FLRT1: variants seen among roughly 807,000 people sequenced by gnomAD.
FLRT1 encodes fibronectin leucine rich transmembrane protein 1.
A neutral mutation model predicts 30.9 loss-of-function variants in FLRT1; 14 were observed. The observed-to-expected ratio is 0.45, with a 90% CI of 0.30 to 0.71. The LOEUF is 0.71. Among genes scored for constraint, FLRT1 ranks in the 30% least tolerant of loss-of-function variants. The pLI is 0.08. For synonymous variants in FLRT1, 368 were observed against 430.4 expected (o/e 0.85, Z 1.80); for missense variants, 737 against 949.2 (o/e 0.78, Z 2.94).
chr11:64,055,067 A>G (rs969374816), intron 1 of FLRT1, among the ~76,000 whole-genome samples: 6 of 151,628 alleles, frequency 4.0e-5, no homozygotes, highest in Admixed American at 6.6e-5. Context: ...GCCTTCCTAG[A>G]TCCCCCCAGC....
chr11:64,065,574 G>A (rs1211923139), intron 1 of FLRT1, among the ~76,000 whole-genome samples: 3 of 152,010 alleles, frequency 2.0e-5, no homozygotes, highest in Non-Finnish European at 4.4e-5. Flanking sequence ...CGAATCACGA[G>A]GTCAGGAGAT....
chr11:64,076,966 T>C (rs1347181489), intron 1 of FLRT1, among the ~76,000 whole-genome samples: 6 of 151,622 alleles, frequency 4.0e-5, no homozygotes, highest in Admixed American at 3.9e-4. Flanking sequence ...GGTTATCACC[T>C]CCTAAAAATA....
chr11:64,073,524 C>T (rs942250256), intron 1 of FLRT1, among the ~76,000 whole-genome samples: 5 of 152,216 alleles, frequency 3.3e-5, no homozygotes, highest in Non-Finnish European at 5.9e-5. Flanking sequence ...CTCTGTGGCA[C>T]TTACTAATTA....
chr11:64,084,638 A>T (rs994585366), intron 1 of FLRT1, among the ~76,000 whole-genome samples: 1 of 152,212 alleles, frequency 6.6e-6, no homozygotes, highest in Non-Finnish European at 1.5e-5. Context: ...GACCCAGCGC[A>T]TGGCAGTGGG....
Position 64,118,141 on chromosome 11 carries a change from A to T in FLRT1, c.1874A>T (p.Asn625Ile). ...RGPGLQMLPI[N>I]PYRAKEEYVV... is the part of the protein sequence containing the mutation. The stretch of plus-strand genomic sequence containing the variant: ...CCTGGGCTGCAGATGCTGCCCATCA[A>T]CCCGTACCGCGCCAAAGAAGAGTAC... Residue 625 changes from asparagine to isoleucine, a missense_variant, in exon 3 of 3, where the codon AAC becomes ATC. Transcript: ENST00000682287. 1 of 1,613,782 alleles carries T rather than the reference A, an allele frequency of 6.2e-7. No homozygotes were observed.
chr11:64,088,568 TCTCCTGGCCTGGAGCAGGTCTCTC>T (rs1285428236), intron 1 of FLRT1, among the ~76,000 whole-genome samples: 1 of 151,960 alleles, frequency 6.6e-6, no homozygotes, highest in Non-Finnish European at 1.5e-5. Flanking sequence ...ACAGTGTGTT[TCTCCTGGCCTGGAGCAGGTCTCTC>T]CTCCTCCTCC....
At chr11:64,040,677 C>T (rs1221082950) in intron 1 of FLRT1, among the ~76,000 whole-genome samples, 2 of 152,140 alleles carry the variant, frequency 1.3e-5, no homozygotes, top group Admixed American at 6.5e-5. Flanking sequence ...ATGACGGGGG[C>T]GGTAGCCCTG....
intron 1 of FLRT1, among the ~76,000 whole-genome samples, chr11:64,095,757 A>C (rs1944564578): frequency 6.6e-6 from 1 of 152,232 alleles, no homozygotes; most frequent in Admixed American, 6.5e-5. Flanking sequence ...GACCCCCAGC[A>C]CTAGCACGGA....
In FLRT1 at chr11:64,117,883, T is replaced by G. The variant is rs754446142; in HGVS notation, c.1616T>G (p.Leu539Arg). The change falls in exon 3 of 3, where the codon CTC becomes CGC. Residue 539 changes from leucine (L) to arginine (R), a missense_variant. Leu to Arg is a moderately radical substitution (Grantham distance 102). Transcript: ENST00000682287. ...TADSYGPTTT[L>R]NQEQNAGPMA... is the part of the protein sequence containing the mutation. Reference sequence around the variant, plus strand: ...GACAGCTATGGCCCTACCACCACACTCAACCAGGAGCAGAACGCTGGCCCC... The same window carrying G: ...GACAGCTATGGCCCTACCACCACACGCAACCAGGAGCAGAACGCTGGCCCC... 46 of 1,613,992 alleles carry G rather than the reference T, an allele frequency of 2.9e-5. No homozygotes were observed. Among genetic ancestry groups the G allele is most frequent in the Non-Finnish European group, 3.9e-5 (46 of 1,179,984 alleles).
rs2134626955 is a variant in FLRT1 at position 64,118,461 on chromosome 11, C to T, written c.*169C>T. On this transcript the variant is annotated 3_prime_UTR_variant, in exon 3 of 3. Coordinates refer to ENST00000682287, the MANE Select transcript of FLRT1 (RefSeq NM_013280.5). ...GGGCTGACGATTTTGTAGAACACAACAGTGACAATTTTTTTTAAAAGAATA... is the reference window on the plus strand; with the variant it reads ...GGGCTGACGATTTTGTAGAACACAATAGTGACAATTTTTTTTAAAAGAATA... 5 of 667,916 alleles carry T rather than the reference C, an allele frequency of 7.5e-6. 1 individual carries two copies. The highest frequency in any genetic ancestry group is 4.5e-4 in the Middle Eastern group (1 of 2,198). The allele number at this position is 667,916 out of a possible 1,614,324, so 41.4% of individuals were successfully genotyped here. A position where few individuals can be genotyped will look rare whatever the true frequency, so the allele number is the denominator to read the frequency against.
At chr11:64,078,745 G>A (rs1944249768) in intron 1 of FLRT1, among the ~76,000 whole-genome samples, 1 of 152,078 alleles carries the variant, frequency 6.6e-6, no homozygotes, top group Admixed American at 6.5e-5. Context: ...CCCAAGCTGG[G>A]GAGACAGGCC....
intron 1 of FLRT1, among the ~76,000 whole-genome samples, chr11:64,086,127 T>C (rs1243869214): frequency 6.6e-6 from 1 of 151,800 alleles, no homozygotes; most frequent in Non-Finnish European, 1.5e-5. Context: ...ACTGGTGGGG[T>C]GGGTGGCTGC....
chr11:64,117,917 C>G lies in FLRT1; in HGVS notation c.1650C>G (p.Ser550Arg). 1 of 1,613,852 alleles carries G rather than the reference C, an allele frequency of 6.2e-7. No homozygotes were observed. The highest frequency in any genetic ancestry group is 8.5e-7 in the Non-Finnish European group (1 of 1,179,948). ...NQEQNAGPMA[S>R]LPLAGIIGGA... ...AGCAGAACGCTGGCCCCATGGCGAGCCTGCCCCTGGCGGGCATCATCGGCG... is the reference window on the plus strand; with the variant it reads ...AGCAGAACGCTGGCCCCATGGCGAGGCTGCCCCTGGCGGGCATCATCGGCG... Residue 550 changes from serine (S) to arginine (R), a missense_variant, in exon 3 of 3, where the codon AGC becomes AGG. By Grantham distance (110) the Ser-to-Arg change is moderately radical. Transcript: ENST00000682287.
chr11:64,045,771 G>C (rs1034253915), intron 1 of FLRT1, among the ~76,000 whole-genome samples: 1 of 152,220 alleles, frequency 6.6e-6, no homozygotes, highest in Non-Finnish European at 1.5e-5. Flanking sequence ...TGGGGGATGA[G>C]AAGGAATTCA....
intron 1 of FLRT1, among the ~76,000 whole-genome samples, chr11:64,073,496 G>A (rs916164516): frequency 5.3e-5 from 8 of 152,244 alleles, no homozygotes; most frequent in Non-Finnish European, 7.3e-5. Flanking sequence ...GAGGTTGGTG[G>A]AAGGATTAGC....
At chr11:64,057,620 G>A (rs1565212824) in intron 1 of FLRT1, among the ~76,000 whole-genome samples, 1 of 152,178 alleles carries the variant, frequency 6.6e-6, no homozygotes, top group South Asian at 2.1e-4. Context: ...TACACCCAAG[G>A]GCCTGGACCC....
chr11:64,086,620 C>A (rs1249446566), intron 1 of FLRT1, among the ~76,000 whole-genome samples: 1 of 152,106 alleles, frequency 6.6e-6, no homozygotes, highest in Non-Finnish European at 1.5e-5. Flanking sequence ...TTTTTCCGGC[C>A]CCTGCAGCCC....
chr11:64,077,640 C>T lies in FLRT1; in HGVS notation c.-1037-25554C>T, dbSNP rs562883575. Among the ~76,000 whole-genome samples the T allele has an allele frequency of 1.1e-4, 17 of 152,270 alleles. No individual in the cohort carries two copies. The East Asian group carries it at 1.2e-3, about 10-fold the overall frequency. On this transcript the variant is annotated intron_variant, in intron 1 of 2. Transcript: ENST00000682287. ...CACACGAACAGAACTCATAGATGGA[C>T]GCTCAGAGGCACATGCTGGCACACC...
chr11:64,080,411 C>A (rs753924944), intron 1 of FLRT1, among the ~76,000 whole-genome samples: 1 of 152,128 alleles, frequency 6.6e-6, no homozygotes, highest in Non-Finnish European at 1.5e-5. Context: ...TAGAATTCAG[C>A]GGGTTTTTTT....
Sources: allele counts gnomAD v4.1 joint callset (sites outside exome capture counted in the v4.1 genomes callset), GRCh38; gene constraint gnomAD v4.1.1; transcripts MANE v1.5; gene names NCBI Gene and HGNC (gene_info 2026-07-23, HGNC 2026-07-21).